Variants in HMGCLL1 observed in about 807,000 individuals in gnomAD.
The protein encoded by HMGCLL1 is 3-hydroxymethyl-3-methylglutaryl-CoA lyase, cytoplasmic.
Under a neutral mutation model 39.1 loss-of-function variants are expected in HMGCLL1, and 36 were observed. The ratio of observed to expected loss-of-function variants is 0.92; its 90% CI spans 0.71 to 1.22. HMGCLL1 has a LOEUF of 1.22. Ranked by LOEUF, HMGCLL1 falls within the 50% of genes most tolerant of loss-of-function variation. The pLI, the probability that HMGCLL1 is intolerant of heterozygous loss-of-function variation, is 0.00. For synonymous variants in HMGCLL1, 149 were observed against 144.0 expected (o/e 1.03, Z -0.25); for missense variants, 451 against 416.5 (o/e 1.08, Z -0.72).
chr6:55,502,424 T>C (rs1766937867), intron 5 of HMGCLL1, among the ~76,000 whole-genome samples: 1 of 151,840 alleles, frequency 6.6e-6, no homozygotes, highest in Non-Finnish European at 1.5e-5. Flanking sequence ...TTTTCAAACA[T>C]ATTTCTCATA....
intron 7 of HMGCLL1, among the ~76,000 whole-genome samples, chr6:55,479,276 A>G (rs1765608134): frequency 6.6e-6 from 1 of 151,568 alleles, no homozygotes; most frequent in Non-Finnish European, 1.5e-5. Flanking sequence ...TCTGCTGAGA[A>G]CAATTTTGCC....
At chr6:55,440,778 G>C (rs931746275) in intron 7 of HMGCLL1, among the ~76,000 whole-genome samples, 1 of 152,106 alleles carries the variant, frequency 6.6e-6, no homozygotes, top group African/African-American at 2.4e-5. Context: ...TCTGGGCTGC[G>C]ACTTGAGAAT....
At chr6:55,447,098 G>A (rs551341986) in intron 7 of HMGCLL1, among the ~76,000 whole-genome samples, 10 of 151,806 alleles carry the variant, frequency 6.6e-5, no homozygotes, top group Non-Finnish European at 1.3e-4. Flanking sequence ...CTCTACCAAA[G>A]GACTGAAATT....
the HMGCLL1 span, among the ~76,000 whole-genome samples, chr6:55,613,624 C>T: frequency 6.6e-6 from 1 of 152,074 alleles, no homozygotes; most frequent in African/African-American, 2.4e-5. Flanking sequence ...ATGTCCTTTG[C>T]AGGGACATGG....
chr6:55,580,446 C>T (rs1294467824), upstream of HMGCLL1, among the ~76,000 whole-genome samples: 3 of 109,708 alleles, frequency 2.7e-5, no homozygotes, highest in African/African-American at 1.0e-4. Flanking sequence ...GACGGAGTCT[C>T]GCTCTGTCGC....
At chr6:55,591,690 T>G in the HMGCLL1 span, among the ~76,000 whole-genome samples, 1 of 151,772 alleles carries the variant, frequency 6.6e-6, no homozygotes, top group South Asian at 2.1e-4. Context: ...GGAAGTTTTT[T>G]TTTTTTTTTC....
the HMGCLL1 span, among the ~76,000 whole-genome samples, chr6:55,630,783 T>C: frequency 6.6e-6 from 1 of 152,026 alleles, no homozygotes; most frequent in Non-Finnish European, 1.5e-5. Flanking sequence ...CCCCGCTCCA[T>C]GTGAGACATG....
chr6:55,666,133 T>C, the HMGCLL1 span, among the ~76,000 whole-genome samples: 1 of 151,402 alleles, frequency 6.6e-6, no homozygotes, highest in African/African-American at 2.4e-5. Flanking sequence ...CTATAAACCC[T>C]CTTTTTTTTG....
chr6:55,595,778 A>C, the HMGCLL1 span, among the ~76,000 whole-genome samples: 1 of 152,182 alleles, frequency 6.6e-6, no homozygotes, highest in Admixed American at 6.6e-5. Flanking sequence ...TGTTAATAAA[A>C]ATTGAAGATA....
chr6:55,628,636 G>A, the HMGCLL1 span, among the ~76,000 whole-genome samples: 4 of 151,996 alleles, frequency 2.6e-5, no homozygotes, highest in East Asian at 1.9e-4. Context: ...GATACCAGAT[G>A]TATTGGAGCC....
chr6:55,627,896 T>C, the HMGCLL1 span, among the ~76,000 whole-genome samples: 13 of 33,784 alleles, frequency 3.8e-4, no homozygotes, highest in South Asian at 0.011. Context: ...TATATATATA[T>C]ATAGTATATA....
chr6:55,634,374 T>A, the HMGCLL1 span, among the ~76,000 whole-genome samples: 3 of 149,448 alleles, frequency 2.0e-5, no homozygotes, highest in Middle Eastern at 3.2e-3. Flanking sequence ...ATGCACACTA[T>A]ATGTCTTAAA....
chr6:55,444,637 T>C (rs1763737611), intron 7 of HMGCLL1, among the ~76,000 whole-genome samples: 1 of 152,058 alleles, frequency 6.6e-6, no homozygotes, highest in Admixed American at 6.6e-5. Context: ...CTAATGGTAA[T>C]GATCATGGGT....
intron 5 of HMGCLL1, among the ~76,000 whole-genome samples, chr6:55,503,483 T>A (rs956834575): frequency 5.3e-5 from 8 of 151,440 alleles, no homozygotes; most frequent in Non-Finnish European, 1.2e-4. Flanking sequence ...CCTGAGACTT[T>A]TTTTTTCTCA....
rs180894100 is a variant in HMGCLL1 at position 55,532,779 on chromosome 6, C to T, written c.297+8950G>A. 3.3e-3 allele frequency among the ~76,000 whole-genome samples: 499 copies of T among 149,970 alleles called. 9 individuals carry two copies. Among genetic ancestry groups the T allele is most frequent in the African/African-American group, 0.012 (478 of 40,748 alleles). On this transcript the variant is annotated intron_variant, in intron 3 of 8. Transcript: ENST00000274901. ...TCACACCACTGCACTCTAGCCTGGG[C>T]AACAAAGCAAGACTCTGTCTCAAAC...
upstream of HMGCLL1, among the ~76,000 whole-genome samples, chr6:55,580,406 CTTTTTTT>C (rs145371462): frequency 8.6e-4 from 63 of 73,256 alleles, no homozygotes; most frequent in Admixed American, 2.5e-3. Flanking sequence ...TTTTTTCTTT[CTTTTTTT>C]TTTTTTTTTT....
At chr6:55,533,754 CGGGCGCCTGTAGTCCCAGCTA>C (rs1561942339) in intron 3 of HMGCLL1, among the ~76,000 whole-genome samples, 1 of 149,206 alleles carries the variant, frequency 6.7e-6, no homozygotes, top group East Asian at 2.0e-4. Context: ...GGCGTGGTAG[CGGGCGCCTGTAGTCCCAGCTA>C]CTCGGGAGGC....
chr6:55,507,757 AT>A (rs1345712270), intron 5 of HMGCLL1, among the ~76,000 whole-genome samples: 1 of 151,756 alleles, frequency 6.6e-6, no homozygotes, highest in African/African-American at 2.4e-5. Flanking sequence ...CTTATGTTCA[AT>A]ATGAAAGACA....
the HMGCLL1 span, among the ~76,000 whole-genome samples, chr6:55,623,907 G>A: frequency 6.6e-6 from 1 of 151,972 alleles, no homozygotes; most frequent in Admixed American, 6.6e-5. Flanking sequence ...AATGACAACA[G>A]GATGAGTCCA....
Sources: gnomAD v4.1 joint callset for allele counts (sites outside exome capture counted in the v4.1 genomes callset) on GRCh38, gnomAD v4.1.1 for gene constraint, MANE v1.5 for transcripts, NCBI Gene and HGNC (gene_info 2026-07-23, HGNC 2026-07-21) for gene names.